KIF5A: variants seen among roughly 807,000 people sequenced by gnomAD.
KIF5A encodes kinesin heavy chain isoform 5A.
A neutral mutation model predicts 141.3 loss-of-function variants in KIF5A; 35 were observed. The ratio of observed to expected loss-of-function variants is 0.25; its 90% CI spans 0.19 to 0.33. KIF5A has a LOEUF of 0.33. KIF5A is among the 10% of genes least tolerant of loss of function. The pLI is 1.00. For synonymous variants in KIF5A, 448 were observed against 500.2 expected, an observed-to-expected ratio of 0.90 and a Z score of 1.39; for missense variants, 861 against 1,314.3, an observed-to-expected ratio of 0.66 and a Z score of 5.33.
intron 1 of KIF5A, among the ~76,000 whole-genome samples, chr12:57,555,725 A>C (rs1444009145): frequency 2.0e-5 from 3 of 151,888 alleles, no homozygotes; most frequent in Non-Finnish European, 4.4e-5. Flanking sequence ...CATGGCCAAC[A>C]TGGTGAAACC....
At position 57,550,518 on chromosome 12, in the gene KIF5A, A is replaced by C; in HGVS notation, c.129+118A>C. On this transcript the variant is annotated intron_variant, in intron 1 of 28. Transcript: ENST00000455537. This position sits in a 1 kb window ranked among gnomAD's most constrained non-coding sequence, Gnocchi z 4.6. ...TCCCCCTCCCCGCCGCTCATCCTTC[A>C]TCCTCTTCCCCGCAGCCCCTCCTCT... 2 of 1,099,078 alleles carry C rather than the reference A, an allele frequency of 1.8e-6. No individual in the cohort carries two copies. The highest frequency in any genetic ancestry group is 1.6e-5 in the African/African-American group (1 of 64,402). The allele number at this position is 1,099,078 out of a possible 1,614,324, so 68.1% of individuals were successfully genotyped here.
intron 1 of KIF5A, among the ~76,000 whole-genome samples, chr12:57,557,806 C>G (rs1001957750): frequency 6.6e-6 from 1 of 152,076 alleles, no homozygotes; most frequent in Non-Finnish European, 1.5e-5. Flanking sequence ...ATCCTCCCAC[C>G]TCAGCTTCCT....
chr12:57,582,347 A>G (rs555506842), intron 26 of KIF5A, among the ~76,000 whole-genome samples: 17 of 152,204 alleles, frequency 1.1e-4, no homozygotes, highest in African/African-American at 4.1e-4. Flanking sequence ...GCTGCCTGGG[A>G]GTGGATTCCT....
chr12:57,582,753 T>A, intron 27 of KIF5A, 124 bp downstream of exon 27: 1 of 825,770 alleles, frequency 1.2e-6, no homozygotes. Context: ...TGAGACTCAT[T>A]CTTTTCATCA....
At chr12:57,564,874 G>T (rs371389904) in intron 5 of KIF5A, 44 bp from the exon 6 acceptor site, 2 of 1,579,034 alleles carry the variant, frequency 1.3e-6, no homozygotes, top group Non-Finnish European at 1.7e-6. Flanking sequence ...AGATGGGGGC[G>T]GTGGAAGTAC....
intron 1 of KIF5A, among the ~76,000 whole-genome samples, chr12:57,551,119 T>G (rs1223297442): frequency 6.6e-6 from 1 of 152,074 alleles, no homozygotes; most frequent in Non-Finnish European, 1.5e-5. Context: ...GAGATCCTAG[T>G]CAGTACCTGC....
In KIF5A at chr12:57,584,238, C is replaced by T. The variant is rs1565706307; in HGVS notation, c.*57C>T. On this transcript the variant is annotated 3_prime_UTR_variant, in exon 29 of 29. Transcript: ENST00000455537. ...CCCAGTTTCTAAGAGGGACTGAGGC[C>T]TCTTCTCAGCATGCTGCAAACCTGT... 6.6e-6 allele frequency: 1 copy of T among 152,598 alleles called. No homozygotes were observed. The highest frequency in any genetic ancestry group is 1.5e-5 in the Non-Finnish European group (1 of 68,056). The allele number at this position is 152,598 out of a possible 1,614,324, so 9.5% of individuals were successfully genotyped here. A position where few individuals can be genotyped will look rare whatever the true frequency, so the allele number is the denominator to read the frequency against.
Position 57,580,911 on chromosome 12 carries a change from T to C in KIF5A, c.2539-45T>C, listed in dbSNP as rs1332271342. Reference sequence around the variant, plus strand: ...CGCTCCTCTGGGTGACCGTCTTGGGTCACTTGCCTTCCTTTCCACTTCTTC... The same window carrying C: ...CGCTCCTCTGGGTGACCGTCTTGGGCCACTTGCCTTCCTTTCCACTTCTTC... On this transcript the variant is annotated intron_variant, in intron 23 of 28. Transcript: ENST00000455537. 2.5e-6 allele frequency: 4 copies of C among 1,593,968 alleles called. No individual in the cohort carries two copies. In the African/African-American group the frequency reaches 5.4e-5, roughly 21 times the overall value.
chr12:57,574,275 ATT>A (rs34395550), intron 15 of KIF5A, among the ~76,000 whole-genome samples: 104 of 142,410 alleles, frequency 7.3e-4, no homozygotes, highest in Admixed American at 6.3e-4. Context: ...TCAGAATTGG[ATT>A]TTTTTTTTTT....
chr12:57,556,207 C>G (rs538396489), intron 1 of KIF5A, among the ~76,000 whole-genome samples: 1 of 151,238 alleles, frequency 6.6e-6, no homozygotes, highest in Non-Finnish European at 1.5e-5. Flanking sequence ...GGCGCGATCT[C>G]GGCTCACTGG....
chr12:57,576,311 C>T lies in KIF5A; in HGVS notation c.2131C>T (p.His711Tyr). ...LQMESHREAH[H>Y]RQLARLRDEI... is the part of the protein sequence containing the mutation. Reference sequence around the variant, plus strand: ...GATGGAGAGTCACCGGGAGGCCCATCACCGGCAGCTGGCCCGGCTCCGGGA... The same window carrying T: ...GATGGAGAGTCACCGGGAGGCCCATTACCGGCAGCTGGCCCGGCTCCGGGA... The change falls in exon 19 of 29, where the codon CAC becomes TAC. Residue 711 changes from histidine to tyrosine, a missense_variant. By Grantham distance (83) the His-to-Tyr change is moderately conservative. This residue lies in a region of KIF5A where 482 missense variants were observed against 661.3 expected (regional missense o/e 0.73). Transcript: ENST00000455537. The T allele has an allele frequency of 1.9e-6, 3 of 1,614,070 alleles. No homozygotes were observed. Among genetic ancestry groups the T allele is most frequent in the Non-Finnish European group, 2.5e-6 (3 of 1,179,968 alleles).
chr12:57,566,714 A>G (rs1042218188), intron 6 of KIF5A, among the ~76,000 whole-genome samples: 1 of 147,510 alleles, frequency 6.8e-6, no homozygotes, highest in Admixed American at 6.8e-5. Flanking sequence ...CATGCCCGCC[A>G]CTGTTTCAAA....
At chr12:57,556,169 C>T (rs530495239) in intron 1 of KIF5A, among the ~76,000 whole-genome samples, 5 of 149,354 alleles carry the variant, frequency 3.3e-5, no homozygotes, top group Non-Finnish European at 7.4e-5. Flanking sequence ...GACGGAGTCT[C>T]GCTCTGTCAC....
chr12:57,554,328 A>T (rs1881668259), intron 1 of KIF5A, among the ~76,000 whole-genome samples: 1 of 152,200 alleles, frequency 6.6e-6, no homozygotes, highest in South Asian at 2.1e-4. Context: ...GATTACTGTG[A>T]ACATTAAATG....
intron 1 of KIF5A, among the ~76,000 whole-genome samples, chr12:57,559,900 TA>T (rs902534498): frequency 5.9e-5 from 9 of 152,234 alleles, no homozygotes; most frequent in East Asian, 1.9e-4. Flanking sequence ...TTTATTTATT[TA>T]TTTTTTTTGG....
intron 1 of KIF5A, among the ~76,000 whole-genome samples, chr12:57,552,538 G>C (rs1039126781): frequency 2.0e-5 from 3 of 152,192 alleles, no homozygotes; most frequent in Admixed American, 2.0e-4. Context: ...CTTACGGGGG[G>C]GCCATTTTGT....
chr12:57,577,456 A>G (rs1270605279), intron 20 of KIF5A, among the ~76,000 whole-genome samples: 1 of 152,096 alleles, frequency 6.6e-6, no homozygotes, highest in Non-Finnish European at 1.5e-5. Context: ...TTAGCTGGGC[A>G]TGGTGGCATA....
chr12:57,582,529 C>G, intron 26 of KIF5A, 73 bp from the exon 27 acceptor site: 3 of 1,210,054 alleles, frequency 2.5e-6, no homozygotes, highest in Non-Finnish European at 3.7e-6. Flanking sequence ...AGAGGGTTTG[C>G]GCAAACTGTT....
Position 57,569,082 on chromosome 12 carries a change from G to A in KIF5A, c.819+15G>A, listed in dbSNP as rs1882160968. The A allele has an allele frequency of 1.9e-6, 3 of 1,602,912 alleles. No individual in the cohort carries two copies. The highest frequency in any genetic ancestry group is 2.7e-5 in the African/African-American group (2 of 74,634). ...CTGAGGGCACTGTGAGTGATCCTTA[G>A]GTCCCCTCACCCCTCAAGCCACACC... On this transcript the variant is annotated intron_variant, in intron 9 of 28. Transcript: ENST00000455537.
Sources: gnomAD v4.1 joint callset for allele counts (sites outside exome capture counted in the v4.1 genomes callset) on GRCh38, gnomAD v4.1.1 for gene constraint, gnomAD v4.1.1 regional missense constraint, Gnocchi (gnomAD v3.1) non-coding constraint, MANE v1.5 for transcripts, NCBI Gene and HGNC (gene_info 2026-07-23, HGNC 2026-07-21) for gene names.